CDYL2: variants seen among roughly 807,000 people sequenced by gnomAD.
CDYL2 encodes chromodomain Y like 2.
CDYL2 carries 23 observed loss-of-function variants against 49.4 expected under a neutral mutation model. The observed-to-expected ratio is 0.47, with a 90% confidence interval of 0.34 to 0.66. The LOEUF (loss-of-function observed/expected upper bound fraction) is 0.66, where lower values mean the gene tolerates loss of function less well. Ranked by LOEUF, CDYL2 falls within the 30% of genes least tolerant of loss-of-function variation. CDYL2 has a pLI of 0.01. For missense variants in CDYL2, 678 were observed against 656.4 expected, an observed-to-expected ratio of 1.03 and a Z score of -0.36; for synonymous variants, 360 against 268.8, an observed-to-expected ratio of 1.34 and a Z score of -3.32.
At chr16:80,749,174 C>G (rs1333004495) in intron 1 of CDYL2, among the ~76,000 whole-genome samples, 1 of 152,074 alleles carries the variant, frequency 6.6e-6, no homozygotes, top group Non-Finnish European at 1.5e-5. Context: ...CTTTTAGTTT[C>G]CAATTTTCCT....
At chr16:80,663,889 G>A (rs111592156) in intron 2 of CDYL2, among the ~76,000 whole-genome samples, 2,117 of 152,208 alleles carry the variant, frequency 0.014, 43 homozygotes, top group African/African-American at 0.048. Context: ...ACTATGCCCC[G>A]CCTAAATGTT....
intron 1 of CDYL2, among the ~76,000 whole-genome samples, chr16:80,796,081 G>C (rs1467369688): frequency 6.6e-6 from 1 of 152,168 alleles, no homozygotes; most frequent in Non-Finnish European, 1.5e-5. Context: ...TTAGTGCAAG[G>C]AATTATCTTA....
chr16:80,787,676 C>T (rs893573515), intron 1 of CDYL2, among the ~76,000 whole-genome samples: 2 of 152,110 alleles, frequency 1.3e-5, no homozygotes, highest in African/African-American at 4.8e-5. Flanking sequence ...CCGTTGAGTT[C>T]CTCACAGAAA....
intron 1 of CDYL2, among the ~76,000 whole-genome samples, chr16:80,794,251 C>T (rs1265896841): frequency 6.6e-6 from 1 of 152,204 alleles, no homozygotes; most frequent in Non-Finnish European, 1.5e-5. Flanking sequence ...CTGATTATTA[C>T]ACCATGTCTA....
intron 1 of CDYL2, among the ~76,000 whole-genome samples, chr16:80,791,519 C>T (rs1206190825): frequency 6.6e-6 from 1 of 152,086 alleles, no homozygotes. Context: ...AAAAGGGTTC[C>T]ACAGGAGCCC....
At chr16:80,617,974 T>A (rs1906906283) in intron 4 of CDYL2, among the ~76,000 whole-genome samples, 1 of 151,888 alleles carries the variant, frequency 6.6e-6, no homozygotes, top group Admixed American at 6.6e-5. Flanking sequence ...CCCCTGGGGG[T>A]GTTGCCAAGC....
intron 2 of CDYL2, among the ~76,000 whole-genome samples, chr16:80,653,624 T>A (rs535240822): frequency 1.3e-4 from 20 of 152,354 alleles, no homozygotes; most frequent in South Asian, 2.1e-4. Flanking sequence ...GATACAGGCA[T>A]GTAATGTGAG....
chr16:80,652,895 G>C (rs564996531), intron 2 of CDYL2, among the ~76,000 whole-genome samples: 1 of 152,162 alleles, frequency 6.6e-6, no homozygotes, highest in African/African-American at 2.4e-5. Flanking sequence ...AAGAAGGAAA[G>C]CCTGAGAAAC....
intron 1 of CDYL2, among the ~76,000 whole-genome samples, chr16:80,712,802 C>G (rs114730748): frequency 6.6e-6 from 1 of 152,296 alleles, no homozygotes; most frequent in African/African-American, 2.4e-5. Flanking sequence ...AAGATATCTG[C>G]TTCCTTTCAT....
At chr16:80,675,459 C>T (rs1909704528) in intron 2 of CDYL2, among the ~76,000 whole-genome samples, 1 of 152,174 alleles carries the variant, frequency 6.6e-6, no homozygotes, top group African/African-American at 2.4e-5. Flanking sequence ...TGCAGTAAGA[C>T]CTCAAGAAAT....
chr16:80,634,174 T>C (rs73583641), intron 2 of CDYL2, among the ~76,000 whole-genome samples: 8,907 of 152,106 alleles, frequency 0.059, 792 homozygotes, highest in African/African-American at 0.2. Flanking sequence ...TTATAAATCA[T>C]GCTACTATAA....
At chr16:80,619,038 C>T (rs1056888418) in intron 4 of CDYL2, among the ~76,000 whole-genome samples, 3 of 152,200 alleles carry the variant, frequency 2.0e-5, no homozygotes, top group African/African-American at 7.2e-5. Flanking sequence ...GAAGTTCTGA[C>T]GGAGAAGCTG....
intron 6 of CDYL2, among the ~76,000 whole-genome samples, chr16:80,605,693 A>T (rs1204906009): frequency 6.6e-6 from 1 of 152,002 alleles, no homozygotes; most frequent in Non-Finnish European, 1.5e-5. Context: ...GTAAAAATTC[A>T]TAACAGTAAT....
At chr16:80,606,808 T>G (rs983207481) in intron 6 of CDYL2, among the ~76,000 whole-genome samples, 3 of 152,258 alleles carry the variant, frequency 2.0e-5, no homozygotes, top group African/African-American at 4.8e-5. Flanking sequence ...TCTCAAGAGA[T>G]CTGATGATTT....
intron 2 of CDYL2, among the ~76,000 whole-genome samples, chr16:80,648,357 T>C (rs1421021962): frequency 1.3e-5 from 2 of 152,118 alleles, no homozygotes; most frequent in African/African-American, 2.4e-5. Flanking sequence ...GGATCATCAG[T>C]GGCTACTATG....
intron 1 of CDYL2, among the ~76,000 whole-genome samples, chr16:80,777,972 T>A (rs1409259677): frequency 6.6e-6 from 1 of 150,422 alleles, no homozygotes; most frequent in African/African-American, 2.4e-5. Flanking sequence ...TAAAAAAAAA[T>A]GTATTATCAT....
At chr16:80,637,986 G>C (rs928355663) in intron 2 of CDYL2, among the ~76,000 whole-genome samples, 14 of 152,250 alleles carry the variant, frequency 9.2e-5, no homozygotes, top group South Asian at 8.3e-4. Context: ...ATATGTATAA[G>C]AGCCATATGT....
intron 1 of CDYL2, among the ~76,000 whole-genome samples, chr16:80,738,330 T>C (rs954492136): frequency 6.6e-6 from 1 of 152,196 alleles, no homozygotes; most frequent in Non-Finnish European, 1.5e-5. Flanking sequence ...TAAACATACA[T>C]GCGCATCTGT....
At chr16:80,679,329 A>T (rs922784747) in intron 2 of CDYL2, among the ~76,000 whole-genome samples, 4 of 152,150 alleles carry the variant, frequency 2.6e-5, no homozygotes, top group Non-Finnish European at 4.4e-5. Flanking sequence ...TACATCCTGT[A>T]CCACCAAGCA....
Sources: allele counts gnomAD v4.1 joint callset (sites outside exome capture counted in the v4.1 genomes callset), GRCh38; gene constraint gnomAD v4.1.1; transcripts MANE v1.5; gene names NCBI Gene and HGNC (gene_info 2026-07-23, HGNC 2026-07-21).